PKP1: variants seen among roughly 807,000 people sequenced by gnomAD.
PKP1 encodes plakophilin-1.
Under a neutral mutation model 76.4 loss-of-function variants are expected in PKP1, and 27 were observed. That is an observed-to-expected ratio of 0.35 (90% CI 0.26 to 0.49). PKP1 has a LOEUF of 0.49. Among genes scored for constraint, PKP1 ranks in the 20% least tolerant of loss-of-function variants. The pLI, the probability that PKP1 is intolerant of heterozygous loss-of-function variation, is 0.99. For missense variants in PKP1, 964 were observed against 955.2 expected, an observed-to-expected ratio of 1.01 and a Z score of -0.12; for synonymous variants, 404 against 384.2, an observed-to-expected ratio of 1.05 and a Z score of -0.60.
intron 10 of PKP1, 94 bp downstream of exon 10, chr1:201,324,675 T>C: frequency 2.0e-6 from 3 of 1,475,018 alleles, no homozygotes; most frequent in South Asian, 2.3e-5. Flanking sequence ...AGCCATTCCC[T>C]GGGATGAGCA....
chr1:201,315,289 C>T (rs1287925940), intron 3 of PKP1, among the ~76,000 whole-genome samples: 1 of 152,220 alleles, frequency 6.6e-6, no homozygotes, highest in African/African-American at 2.4e-5. Flanking sequence ...ATGCAGGCAG[C>T]AGTACTACTT....
Position 201,317,747 on chromosome 1 carries a change from C to G in PKP1, c.1022C>G (p.Thr341Ser), listed in dbSNP as rs909598338. The G allele has an allele frequency of 5.6e-6, 9 of 1,613,736 alleles. No individual in the cohort carries two copies. The highest frequency in any genetic ancestry group is 7.6e-6 in the Non-Finnish European group (9 of 1,179,894). ...GAGGCAGTCAGCCTCCTGAGGAGAACCGGGAACGCCGAGATCCAGAAGCAG... is the reference window on the plus strand; with the variant it reads ...GAGGCAGTCAGCCTCCTGAGGAGAAGCGGGAACGCCGAGATCCAGAAGCAG... ...IREAVSLLRR[T>S]GNAEIQKQLT... The change falls in exon 5 of 14, where the codon ACC (threonine) becomes AGC (serine). Residue 341 changes from threonine to serine, a missense_variant. By Grantham distance (58) the Thr-to-Ser change is moderately conservative. Transcript: ENST00000367324.
At chr1:201,312,032 A>C (rs1470100753) in intron 2 of PKP1, among the ~76,000 whole-genome samples, 1 of 152,108 alleles carries the variant, frequency 6.6e-6, no homozygotes, top group African/African-American at 2.4e-5. Context: ...TTTGTGCCGG[A>C]TTGAGCCTCT....
chr1:201,319,695 G>A, intron 6 of PKP1: 1 of 958,394 alleles, frequency 1.0e-6, no homozygotes, highest in East Asian at 2.4e-5. Context: ...TTGCTTGGGA[G>A]TGAGCCTACT....
chr1:201,325,783 G>T lies in PKP1; in HGVS notation c.2051G>T (p.Arg684Leu), dbSNP rs573352897. The T allele has an allele frequency of 6.2e-7, 1 of 1,614,016 alleles. No homozygotes were observed. Among genetic ancestry groups the T allele is most frequent in the Admixed American group, 1.7e-5 (1 of 60,030 alleles). The change falls in exon 12 of 14, where the codon CGG becomes CTG. Residue 684 changes from arginine to leucine, a missense_variant. Coordinates refer to ENST00000367324, the MANE Select transcript of PKP1 (RefSeq NM_001005337.3). ...TCACCCAAGGCCGCAGAAGCTGCCC[G>T]GCTTCTCCTGTCTGACATGTGGTCC... is the stretch of plus-strand genomic sequence containing the variant. ...SASPKAAEAA[R>L]LLLSDMWSSK... is the part of the protein sequence containing the mutation.
At chr1:201,294,085 G>A (rs773605283) in intron 2 of PKP1, 40 bp downstream of exon 2, 32 of 1,372,472 alleles carry the variant, frequency 2.3e-5, no homozygotes, top group Non-Finnish European at 3.2e-5. Flanking sequence ...TGGAGTACTT[G>A]TGGGGATGGT....
chr1:201,305,676 C>T (rs965325412), intron 2 of PKP1, among the ~76,000 whole-genome samples: 5 of 152,142 alleles, frequency 3.3e-5, no homozygotes, highest in Admixed American at 2.0e-4. Flanking sequence ...CCTCCTGTTC[C>T]AGTGCATGGG....
intron 1 of PKP1, among the ~76,000 whole-genome samples, chr1:201,289,059 T>C (rs1655823606): frequency 6.6e-6 from 1 of 152,094 alleles, no homozygotes; most frequent in African/African-American, 2.4e-5. Flanking sequence ...AGCTGCCGAG[T>C]TGGGGAGGCA....
intron 7 of PKP1, among the ~76,000 whole-genome samples, chr1:201,320,643 T>C (rs998932194): frequency 2.0e-5 from 3 of 152,198 alleles, no homozygotes; most frequent in Non-Finnish European, 4.4e-5. Context: ...CACTCTTCAC[T>C]CTAATGGAAA....
At chr1:201,317,318 G>A (rs537987269) in intron 4 of PKP1, among the ~76,000 whole-genome samples, 2 of 152,272 alleles carry the variant, frequency 1.3e-5, no homozygotes, top group Admixed American at 1.3e-4. Flanking sequence ...GGAAAGAGGA[G>A]GGACCCTAGC....
chr1:201,311,955 A>T (rs553993842), intron 2 of PKP1, among the ~76,000 whole-genome samples: 57 of 152,316 alleles, frequency 3.7e-4, no homozygotes, highest in African/African-American at 1.4e-3. Context: ...GGCCCCTCCC[A>T]AGGAGGCCGA....
At chr1:201,318,081 A>G (rs1656818895) in intron 5 of PKP1, among the ~76,000 whole-genome samples, 2 of 152,200 alleles carry the variant, frequency 1.3e-5, no homozygotes, top group African/African-American at 4.8e-5. Context: ...TGGGATTCCC[A>G]GGTGATGGAA....
chr1:201,294,788 A>G (rs1163560992), intron 2 of PKP1, among the ~76,000 whole-genome samples: 2 of 152,236 alleles, frequency 1.3e-5, no homozygotes, highest in African/African-American at 2.4e-5. Context: ...TCAATCCACT[A>G]TACTTCATCT....
Position 201,325,013 on chromosome 1 carries a change from T to A in PKP1, c.1907T>A (p.Ile636Asn). Residue 636 changes from isoleucine to asparagine, a missense_variant, in exon 11 of 14, where the codon ATC becomes AAC. Ile to Asn is a moderately radical substitution (Grantham distance 149). Coordinates refer to ENST00000367324, the MANE Select transcript of PKP1 (RefSeq NM_001005337.3). ...HTGNTSNSED[I>N]LSSACYTVRN... is the part of the protein sequence containing the mutation. ...GGCAATACCAGCAACTCCGAAGACA[T>A]CTTGTCCTCGGCCTGCTACACTGTG... is the stretch of plus-strand genomic sequence containing the variant. 2 of 1,613,712 alleles carry A rather than the reference T, an allele frequency of 1.2e-6. No individual in the cohort carries two copies. The highest frequency in any genetic ancestry group is 1.7e-6 in the Non-Finnish European group (2 of 1,179,938).
In PKP1 at chr1:201,317,641, G is replaced by C; in HGVS notation, c.916G>C (p.Ala306Pro). 1 of 1,614,048 alleles carries C rather than the reference G, an allele frequency of 6.2e-7. No homozygotes were observed. The highest frequency in any genetic ancestry group is 8.5e-7 in the Non-Finnish European group (1 of 1,180,030). ...CAGCCCCAACCAGAACGTCCAGCAG[G>C]CCGCGGCAGGGGCCCTGCGCAACCT... ...LRSPNQNVQQ[A>P]AAGALRNLVF... is the part of the protein sequence containing the mutation. Residue 306 changes from alanine (A) to proline (P), a missense_variant, in exon 5 of 14, where the codon GCC (alanine) becomes CCC (proline). Transcript: ENST00000367324.
chr1:201,286,095 TC>T (rs1185139311), intron 1 of PKP1, among the ~76,000 whole-genome samples: 4 of 152,266 alleles, frequency 2.6e-5, no homozygotes, highest in Admixed American at 2.6e-4. Context: ...CACCCAAACG[TC>T]CCCTATTTGC....
chr1:201,318,644 G>A lies in PKP1; in HGVS notation c.1081G>A (p.Asp361Asn), dbSNP rs755149186. The A allele has an allele frequency of 6.2e-7, 1 of 1,612,242 alleles. No individual in the cohort carries two copies. The highest frequency in any genetic ancestry group is 1.1e-5 in the South Asian group (1 of 90,994). ...TGLLWNLSST[D>N]ELKEELIADA... ...GCTGCTCTGGAACCTGTCTTCCACT[G>A]ACGAGCTGAAGGAGGAACTCATTGC... The change falls in exon 6 of 14, where the codon GAC becomes AAC. Residue 361 changes from aspartate to asparagine, a missense_variant. Physicochemically the swap from Asp to Asn is conservative, Grantham distance 23. Coordinates refer to ENST00000367324, the MANE Select transcript of PKP1 (RefSeq NM_001005337.3).
chr1:201,327,745 C>T (rs1171915228), intron 12 of PKP1, among the ~76,000 whole-genome samples: 1 of 152,086 alleles, frequency 6.6e-6, no homozygotes, highest in Admixed American at 6.6e-5. Flanking sequence ...TGACAACCAT[C>T]CTGGGCATGA....
chr1:201,302,964 T>C (rs1034095328), intron 2 of PKP1, among the ~76,000 whole-genome samples: 1 of 152,202 alleles, frequency 6.6e-6, no homozygotes, highest in Admixed American at 6.5e-5. Flanking sequence ...GCTGCACAGC[T>C]AGGCAGGGGA....
Sources: gnomAD v4.1 joint callset for allele counts (sites outside exome capture counted in the v4.1 genomes callset) on GRCh38, gnomAD v4.1.1 for gene constraint, MANE v1.5 for transcripts, NCBI Gene and HGNC (gene_info 2026-07-23, HGNC 2026-07-21) for gene names.